MED21: variants seen among roughly 807,000 people sequenced by gnomAD.
MED21 encodes the protein mediator of RNA polymerase II transcription subunit 21.
A neutral mutation model predicts 18.2 loss-of-function variants in MED21; 9 were observed. That is an observed-to-expected ratio of 0.49 (90% CI 0.30 to 0.86). The LOEUF (loss-of-function observed/expected upper bound fraction) is 0.86. MED21 is among the 40% of genes least tolerant of loss of function. MED21 has a pLI of 0.07. For missense variants in MED21, 150 were observed against 170.9 expected (o/e 0.88, Z 0.68); for synonymous variants, 73 against 60.5 (o/e 1.21, Z -0.96).
chr12:27,035,404 T>G (rs1414816655), downstream of MED21, among the ~76,000 whole-genome samples: 2 of 67,368 alleles, frequency 3.0e-5, no homozygotes, highest in African/African-American at 6.7e-5. Context: ...ACTAAATCTC[T>G]TTTTTTTTTT....
chr12:27,028,892 G>A lies in MED21; in HGVS notation c.*431G>A. The stretch of plus-strand genomic sequence containing the variant: ...GGCTAGTGTCCTGCCTCTTAGAGGT[G>A]GCATTGTGTAAATCTGAGCTTTGAG... On this transcript the variant is annotated 3_prime_UTR_variant, in exon 4 of 4. Coordinates refer to ENST00000282892, the MANE Select transcript of MED21 (RefSeq NM_004264.5). 1 of 986,168 alleles carries A rather than the reference G, an allele frequency of 1.0e-6. No individual in the cohort carries two copies. Among genetic ancestry groups the A allele is most frequent in the African/African-American group, 1.7e-5 (1 of 57,362 alleles). The allele number at this position is 986,168 out of a possible 1,614,324, so 61.1% of individuals were successfully genotyped here. A position where few individuals can be genotyped will look rare whatever the true frequency, so the allele number is the denominator to read the frequency against.
chr12:27,022,649 G>A (rs1433558746), intron 1 of MED21, 28 bp downstream of exon 1: 8 of 1,610,526 alleles, frequency 5.0e-6, no homozygotes, highest in African/African-American at 2.7e-5. Context: ...ATTAGCCTCT[G>A]TCTTTCTCTT....
At chr12:27,023,937 A>T (rs754050708) in intron 1 of MED21, among the ~76,000 whole-genome samples, 2 of 152,198 alleles carry the variant, frequency 1.3e-5, no homozygotes, top group Non-Finnish European at 2.9e-5. Flanking sequence ...CTATGCTTTC[A>T]TACACTGGCA....
At chr12:27,034,739 T>C (rs1246175319), downstream of MED21, among the ~76,000 whole-genome samples, 1 of 152,026 alleles carries the variant, frequency 6.6e-6, no homozygotes, top group East Asian at 1.9e-4. Context: ...CCACACCCGA[T>C]TTGACTCAAT....
intron 2 of MED21, 106 bp downstream of exon 2, chr12:27,026,640 T>G (rs975179284): frequency 1.6e-5 from 13 of 814,024 alleles, no homozygotes; most frequent in Non-Finnish European, 2.6e-5. Flanking sequence ...CTAAAATTAT[T>G]GTTGTTTGAG....
downstream of MED21, among the ~76,000 whole-genome samples, chr12:27,034,348 G>C (rs1941636915): frequency 6.6e-6 from 1 of 152,114 alleles, no homozygotes; most frequent in Non-Finnish European, 1.5e-5. Context: ...GTACAGCCTG[G>C]GAGGCGGAGG....
chr12:27,026,408 C>T lies in MED21; in HGVS notation c.43-12C>T. 1 of 1,579,758 alleles carries T rather than the reference C, an allele frequency of 6.3e-7. No homozygotes were observed. Among genetic ancestry groups the T allele is most frequent in the South Asian group, 1.1e-5 (1 of 89,636 alleles). On this transcript the variant is annotated splice_polypyrimidine_tract_variant and intron_variant, in intron 1 of 3. Transcript: ENST00000282892. ...GTCCTTTCTAACCTTGATATGTTTT[C>T]TTTGGCCTAAGCTTGCAGATCAGTT... is the stretch of plus-strand genomic sequence containing the variant.
chr12:27,034,009 G>A (rs1183369262), downstream of MED21, among the ~76,000 whole-genome samples: 1 of 152,152 alleles, frequency 6.6e-6, no homozygotes, highest in Non-Finnish European at 1.5e-5. Context: ...AAAGCCCAAA[G>A]TTGAGATTCA....
downstream of MED21, among the ~76,000 whole-genome samples, chr12:27,034,277 C>T (rs555907780): frequency 4.1e-4 from 62 of 151,886 alleles, no homozygotes; most frequent in African/African-American, 1.1e-3. Context: ...ATTAGCCAGG[C>T]ATGGTGGTGG....
chr12:27,024,718 G>A (rs150876722), intron 1 of MED21, among the ~76,000 whole-genome samples: 1 of 152,198 alleles, frequency 6.6e-6, no homozygotes, highest in Admixed American at 6.5e-5. Context: ...TAGTATGAGT[G>A]CCTACTGTGT....
chr12:27,034,535 C>G (rs1246069826), downstream of MED21, among the ~76,000 whole-genome samples: 1 of 152,184 alleles, frequency 6.6e-6, no homozygotes, highest in African/African-American at 2.4e-5. Flanking sequence ...CAGTGTTGAC[C>G]TCCTGGGCTC....
intron 2 of MED21, among the ~76,000 whole-genome samples, chr12:27,036,336 T>C (rs1410684732): frequency 1.3e-5 from 2 of 152,244 alleles, no homozygotes; most frequent in African/African-American, 2.4e-5. Flanking sequence ...TTCTGGATAT[T>C]AGCCCTTTGT....
intron 3 of MED21, among the ~76,000 whole-genome samples, chr12:27,028,073 CACTT>C (rs1282939864): frequency 6.6e-6 from 1 of 152,138 alleles, no homozygotes. Context: ...GTAAGGGAGT[CACTT>C]AAAGATATCT....
At chr12:27,037,671 T>C (rs1411638223) in intron 2 of MED21, 1 of 152,234 alleles carries the variant, frequency 6.6e-6, no homozygotes, top group Non-Finnish European at 1.5e-5. Context: ...AGAAAATGTA[T>C]TTTTTGTATT....
chr12:27,031,096 G>T (rs1433879745), downstream of MED21, among the ~76,000 whole-genome samples: 1 of 151,902 alleles, frequency 6.6e-6, no homozygotes, highest in Non-Finnish European at 1.5e-5. Flanking sequence ...TAGTAGAGAC[G>T]GGGTTTCTCC....
intron 1 of MED21, among the ~76,000 whole-genome samples, chr12:27,025,751 A>AG (rs1941536617): frequency 6.6e-6 from 1 of 152,200 alleles, no homozygotes; most frequent in South Asian, 2.1e-4. Context: ...GAGGTTTGAG[A>AG]GGTCAAGACT....
chr12:27,033,159 C>G (rs1403908970), downstream of MED21, among the ~76,000 whole-genome samples: 1 of 152,156 alleles, frequency 6.6e-6, no homozygotes, highest in African/African-American at 2.4e-5. Flanking sequence ...TTTGTATTCA[C>G]CCATTCAGGC....
chr12:27,027,429 A>C lies in MED21; in HGVS notation c.240A>C (p.Glu80Asp), dbSNP rs1445438798. ...TGATAGATTCCTTACCCAGTGAAGA[A>C]TCTACAGCTGCTTTACAGGTAAGCC... ...DVLIDSLPSEESTAALQAASL... is the reference protein window; with the variant it reads ...DVLIDSLPSEDSTAALQAASL... Residue 80 changes from glutamate (E) to aspartate (D), a missense_variant, in exon 3 of 4, where the codon GAA becomes GAC. Transcript: ENST00000282892. 1 of 1,612,992 alleles carries C rather than the reference A, an allele frequency of 6.2e-7. No homozygotes were observed. The highest frequency in any genetic ancestry group is 1.7e-5 in the Admixed American group (1 of 59,968).
At chr12:27,033,053 A>G (rs989538737), downstream of MED21, among the ~76,000 whole-genome samples, 2 of 152,172 alleles carry the variant, frequency 1.3e-5, no homozygotes, top group South Asian at 2.1e-4. Flanking sequence ...GCCTATTTCT[A>G]TCTGATCTTT....
Sources: allele counts gnomAD v4.1 joint callset (sites outside exome capture counted in the v4.1 genomes callset), GRCh38; gene constraint gnomAD v4.1.1; transcripts MANE v1.5; gene names NCBI Gene and HGNC (gene_info 2026-07-23, HGNC 2026-07-21).